The following TSPAN9 variants were observed in gnomAD, a reference collection of about 807,000 sequenced individuals.
TSPAN9 encodes the protein tetraspanin 9.
TSPAN9 carries 16 observed loss-of-function variants against 31.0 expected under a neutral mutation model. The observed-to-expected ratio is 0.52, with a 90% CI of 0.35 to 0.78. The LOEUF (loss-of-function observed/expected upper bound fraction) is 0.78, where lower values mean the gene tolerates loss of function less well. Among genes scored for constraint, TSPAN9 ranks in the 30% least tolerant of loss-of-function variants. The pLI, the probability that TSPAN9 is intolerant of heterozygous loss-of-function variation, is 0.01. For missense variants in TSPAN9, 272 were observed against 312.5 expected, an observed-to-expected ratio of 0.87 and a Z score of 0.98; for synonymous variants, 145 against 121.6, an observed-to-expected ratio of 1.19 and a Z score of -1.27.
intron 3 of TSPAN9, among the ~76,000 whole-genome samples, chr12:3,273,739 G>A (rs985475754): frequency 1.2e-4 from 19 of 152,178 alleles, no homozygotes; most frequent in South Asian, 4.2e-4. Context: ...CTCCCTGCCC[G>A]CTGCACTGGC....
intron 3 of TSPAN9, among the ~76,000 whole-genome samples, chr12:3,255,060 A>G (rs999822350): frequency 3.9e-5 from 6 of 152,300 alleles, no homozygotes; most frequent in Non-Finnish European, 7.3e-5. Flanking sequence ...TTCCTGCTGC[A>G]GTCTTCAGCT....
chr12:3,099,998 T>C (rs2098311086), intron 2 of TSPAN9, among the ~76,000 whole-genome samples: 1 of 152,080 alleles, frequency 6.6e-6, no homozygotes, highest in South Asian at 2.1e-4. Flanking sequence ...CCTGCCACCA[T>C]GCCTGGCTAA....
chr12:3,237,598 C>A (rs1271316645), intron 3 of TSPAN9, among the ~76,000 whole-genome samples: 4 of 150,620 alleles, frequency 2.7e-5, no homozygotes, highest in African/African-American at 9.7e-5. Flanking sequence ...TGCTCTTAGC[C>A]CACTCTTCTT....
At chr12:3,122,816 T>C (rs1304151877) in intron 2 of TSPAN9, among the ~76,000 whole-genome samples, 1 of 152,216 alleles carries the variant, frequency 6.6e-6, no homozygotes, top group African/African-American at 2.4e-5. Flanking sequence ...CTACCACTTG[T>C]TTTCCTACAC....
At chr12:3,248,359 C>G (rs967361611) in intron 3 of TSPAN9, among the ~76,000 whole-genome samples, 20 of 152,158 alleles carry the variant, frequency 1.3e-4, no homozygotes, top group African/African-American at 4.6e-4. Flanking sequence ...TGGGGTGTAG[C>G]CCTTTCTTGG....
chr12:3,089,436 A>T (rs1018746575), intron 2 of TSPAN9, among the ~76,000 whole-genome samples: 12 of 150,176 alleles, frequency 8.0e-5, no homozygotes, highest in Non-Finnish European at 1.0e-4. Context: ...AGCTGGGATT[A>T]CAGGCATGTG....
chr12:3,164,195 G>A (rs560415140), intron 2 of TSPAN9, among the ~76,000 whole-genome samples: 60 of 152,314 alleles, frequency 3.9e-4, no homozygotes, highest in Non-Finnish European at 7.5e-4. Flanking sequence ...AGGTGCTTTC[G>A]TATGAGTTTT....
intron 2 of TSPAN9, among the ~76,000 whole-genome samples, chr12:3,106,899 A>G (rs553870730): frequency 6.6e-6 from 1 of 152,272 alleles, no homozygotes; most frequent in Admixed American, 6.5e-5. Flanking sequence ...AATATGTACC[A>G]TCAGCAAAAC....
intron 3 of TSPAN9, among the ~76,000 whole-genome samples, chr12:3,229,481 C>G (rs1375608772): frequency 1.3e-5 from 2 of 152,228 alleles, no homozygotes; most frequent in African/African-American, 4.8e-5. Context: ...CATGTATTCT[C>G]TCTCCCTTGT....
chr12:3,140,399 G>A (rs2098334240), intron 2 of TSPAN9, among the ~76,000 whole-genome samples: 1 of 152,170 alleles, frequency 6.6e-6, no homozygotes, highest in East Asian at 1.9e-4. Context: ...AGAGTCATGT[G>A]TGGTGCGAAA....
At chr12:3,239,519 G>A (rs1004306079) in intron 3 of TSPAN9, among the ~76,000 whole-genome samples, 1 of 152,212 alleles carries the variant, frequency 6.6e-6, no homozygotes, top group Admixed American at 6.5e-5. Flanking sequence ...CCAGGCAGCC[G>A]CCACCTTCCC....
intron 2 of TSPAN9, among the ~76,000 whole-genome samples, chr12:3,153,714 A>G (rs150067096): frequency 0.077 from 11,618 of 151,818 alleles, 450 homozygotes; most frequent in Non-Finnish European, 0.093. Context: ...GTGTCTGTGG[A>G]TGTATCTCTG....
intron 2 of TSPAN9, among the ~76,000 whole-genome samples, chr12:3,160,732 T>C (rs2098344638): frequency 6.6e-6 from 1 of 152,258 alleles, no homozygotes; most frequent in Admixed American, 6.5e-5. Flanking sequence ...CTTATACTTA[T>C]TTGCCACTTG....
At chr12:3,166,689 C>T (rs1322993211) in intron 2 of TSPAN9, among the ~76,000 whole-genome samples, 2 of 152,244 alleles carry the variant, frequency 1.3e-5, no homozygotes, top group African/African-American at 2.4e-5. Context: ...CAGAACATTA[C>T]TAATACCTTG....
chr12:3,091,605 C>A (rs1319756481), intron 2 of TSPAN9, among the ~76,000 whole-genome samples: 1 of 152,204 alleles, frequency 6.6e-6, no homozygotes, highest in Non-Finnish European at 1.5e-5. Flanking sequence ...TGCACTTTCT[C>A]GTGCAGCAGT....
chr12:3,201,267 C>A lies in TSPAN9; in HGVS notation c.63+11C>A. Reference sequence around the variant, plus strand: ...AATTTGATATTCTGGGTAAGTCCTTCCGTTTCTCTCTCCCTTCGCCCTCTT... The same window carrying A: ...AATTTGATATTCTGGGTAAGTCCTTACGTTTCTCTCTCCCTTCGCCCTCTT... On this transcript the variant is annotated intron_variant, in intron 3 of 8. Coordinates refer to ENST00000011898, the MANE Select transcript of TSPAN9 (RefSeq NM_006675.5). 2 of 1,613,456 alleles carry A rather than the reference C, an allele frequency of 1.2e-6. No homozygotes were observed. The highest frequency in any genetic ancestry group is 1.7e-6 in the Non-Finnish European group (2 of 1,179,524).
intron 3 of TSPAN9, among the ~76,000 whole-genome samples, chr12:3,226,534 T>C: frequency 6.6e-6 from 1 of 150,518 alleles, no homozygotes; most frequent in Non-Finnish European, 1.5e-5. Context: ...TCTGTAGGTG[T>C]GCTTGGATTT....
At chr12:3,203,172 C>T (rs578100928) in intron 3 of TSPAN9, among the ~76,000 whole-genome samples, 6 of 152,076 alleles carry the variant, frequency 3.9e-5, no homozygotes, top group South Asian at 4.2e-4. Context: ...ACCTGCTGGC[C>T]GGAGTTGGTA....
intron 2 of TSPAN9, among the ~76,000 whole-genome samples, chr12:3,182,125 C>A (rs1380236021): frequency 6.6e-6 from 1 of 152,060 alleles, no homozygotes. Context: ...CCCCGGCCCC[C>A]AGTCAACCCT....
Sources: gnomAD v4.1 joint callset for allele counts (sites outside exome capture counted in the v4.1 genomes callset) on GRCh38, gnomAD v4.1.1 for gene constraint, MANE v1.5 for transcripts, NCBI Gene and HGNC (gene_info 2026-07-23, HGNC 2026-07-21) for gene names.